UBASH3B: variants seen among roughly 807,000 people sequenced by gnomAD.
The protein encoded by UBASH3B is ubiquitin-associated and SH3 domain-containing protein B.
A neutral mutation model predicts 83.4 loss-of-function variants in UBASH3B; 37 were observed. That is an observed-to-expected ratio of 0.44 (90% CI 0.34 to 0.58). The LOEUF (loss-of-function observed/expected upper bound fraction) is 0.58, where lower values mean the gene tolerates loss of function less well. Among genes scored for constraint, UBASH3B ranks in the 20% least tolerant of loss-of-function variants. The pLI is 0.01. For synonymous variants in UBASH3B, 304 were observed against 318.3 expected (o/e 0.96, Z 0.48); for missense variants, 657 against 827.2 (o/e 0.79, Z 2.52).
intron 1 of UBASH3B, among the ~76,000 whole-genome samples, chr11:122,739,623 C>T (rs1392746516): frequency 3.3e-5 from 5 of 152,156 alleles, no homozygotes; most frequent in African/African-American, 1.2e-4. Flanking sequence ...AATTTTCTTC[C>T]TAACTTTGCA....
At position 122,806,347 on chromosome 11, in the gene UBASH3B, G is replaced by A. The variant is rs1467744363; in HGVS notation, c.1596-63G>A. 3 of 1,376,396 alleles carry A rather than the reference G, an allele frequency of 2.2e-6. No homozygotes were observed. Among genetic ancestry groups the A allele is most frequent in the South Asian group, 1.3e-5 (1 of 76,240 alleles). The allele number at this position is 1,376,396 out of a possible 1,614,324, so 85.3% of individuals were successfully genotyped here. On this transcript the variant is annotated intron_variant, in intron 11 of 13. Transcript: ENST00000284273. The surrounding 1 kb of genome is among the most constrained non-coding windows in gnomAD (Gnocchi z 4.0). The stretch of plus-strand genomic sequence containing the variant: ...ATGCCTTGAAATAAAAGTTTAGAGT[G>A]ATATCTTCCTTTGTCTCAAGATCAA...
intron 12 of UBASH3B, 89 bp from the exon 13 acceptor site, chr11:122,807,978 C>A: frequency 9.9e-7 from 1 of 1,007,272 alleles, no homozygotes; most frequent in Non-Finnish European, 1.6e-6. Flanking sequence ...GTTTGCTCCC[C>A]TGCAGAGCAT....
At chr11:122,789,401 T>C (rs942353911) in intron 6 of UBASH3B, 93 bp downstream of exon 6, 29 of 1,373,674 alleles carry the variant, frequency 2.1e-5, no homozygotes, top group African/African-American at 2.9e-5. Context: ...ATGGAGTCCA[T>C]GGGAAGAAGG....
chr11:122,803,007 C>T (rs1379454107), intron 11 of UBASH3B, among the ~76,000 whole-genome samples: 3 of 152,148 alleles, frequency 2.0e-5, no homozygotes, highest in South Asian at 2.1e-4. Context: ...TCTCCAGAAT[C>T]GTCCTACCTG....
At chr11:122,757,279 C>T (rs1004631035) in intron 1 of UBASH3B, among the ~76,000 whole-genome samples, 13 of 152,142 alleles carry the variant, frequency 8.5e-5, no homozygotes, top group African/African-American at 3.1e-4. Context: ...GGGATAGTCC[C>T]CTTGTGAAAG....
intron 1 of UBASH3B, among the ~76,000 whole-genome samples, chr11:122,658,367 C>A (rs1863391679): frequency 6.6e-6 from 1 of 152,086 alleles, no homozygotes; most frequent in African/African-American, 2.4e-5. Context: ...TTCAAATCAG[C>A]TTTAAAGGGA....
chr11:122,725,775 C>T (rs958389391), intron 1 of UBASH3B, among the ~76,000 whole-genome samples: 2 of 152,084 alleles, frequency 1.3e-5, no homozygotes, highest in African/African-American at 4.8e-5. Context: ...CTCACTGCAA[C>T]CTCCGCCTCC....
rs530002296 is a variant in UBASH3B at position 122,767,200 on chromosome 11, C to T, written c.162-9019C>T. On this transcript the variant is annotated intron_variant, in intron 1 of 13. Coordinates refer to ENST00000284273, the MANE Select transcript of UBASH3B (RefSeq NM_032873.5). The stretch of plus-strand genomic sequence containing the variant: ...GGCTGAGGCAGGAGAATTGCTTGAA[C>T]CCGGGAAGCGGAGGTCACAGTGAGT... 7.7e-4 allele frequency among the ~76,000 whole-genome samples: 117 copies of T among 151,392 alleles called. 1 individual carries two copies. The highest frequency in any genetic ancestry group is 2.8e-3 in the African/African-American group (114 of 41,264).
intron 1 of UBASH3B, among the ~76,000 whole-genome samples, chr11:122,676,498 G>T (rs111990272): frequency 6.6e-6 from 1 of 151,940 alleles, no homozygotes; most frequent in Admixed American, 6.6e-5. Flanking sequence ...CCGAGATTGC[G>T]CCAGTGCACT....
At chr11:122,712,896 G>GTTTTTTTTTTTTTTTTT (rs386375116) in intron 1 of UBASH3B, among the ~76,000 whole-genome samples, 2 of 64,496 alleles carry the variant, frequency 3.1e-5, no homozygotes, top group Non-Finnish European at 5.3e-5. Context: ...TCTCTGGGTG[G>GTTTTTTTTTTTTTTTTT]TTTTTTTTTT....
chr11:122,713,426 C>A (rs1864226695), intron 1 of UBASH3B, among the ~76,000 whole-genome samples: 1 of 152,132 alleles, frequency 6.6e-6, no homozygotes, highest in Non-Finnish European at 1.5e-5. Context: ...TGGGAAGTTA[C>A]ATCAACTGTG....
In UBASH3B at chr11:122,813,189, G is replaced by A. The variant is rs973129047; in HGVS notation, c.*3303G>A. ...TTTCCTTGTTAGTGGTATTTGGAAT[G>A]CATATAGATTGTCTTGTCATTGTGC... is the stretch of plus-strand genomic sequence containing the variant. On this transcript the variant is annotated 3_prime_UTR_variant, in exon 14 of 14. Coordinates refer to ENST00000284273, the MANE Select transcript of UBASH3B (RefSeq NM_032873.5). 4 of 152,254 alleles carry A rather than the reference G, an allele frequency of 2.6e-5. No individual in the cohort carries two copies. Among genetic ancestry groups the A allele is most frequent in the Non-Finnish European group, 5.9e-5 (4 of 68,042 alleles). 9.4% of individuals were successfully genotyped at this position (152,254 alleles called of 1,614,324 possible). A position where few individuals can be genotyped will look rare whatever the true frequency, so the allele number is the denominator to read the frequency against.
intron 1 of UBASH3B, among the ~76,000 whole-genome samples, chr11:122,733,682 A>G (rs1413817423): frequency 6.6e-6 from 1 of 152,210 alleles, no homozygotes; most frequent in Admixed American, 6.5e-5. Context: ...ACACCCATGG[A>G]TATGTCAACA....
intron 1 of UBASH3B, among the ~76,000 whole-genome samples, chr11:122,716,136 G>A (rs1407307564): frequency 1.3e-5 from 2 of 152,160 alleles, no homozygotes; most frequent in African/African-American, 4.8e-5. Context: ...CAGCAAGCTG[G>A]GGCTGGTGAG....
At chr11:122,807,539 A>C (rs1405237320) in intron 12 of UBASH3B, among the ~76,000 whole-genome samples, 3 of 152,096 alleles carry the variant, frequency 2.0e-5, no homozygotes, top group African/African-American at 7.2e-5. Flanking sequence ...TAACCCTCCC[A>C]TAAATCCATA....
intron 1 of UBASH3B, among the ~76,000 whole-genome samples, chr11:122,722,841 G>A (rs151171245): frequency 0.015 from 2,292 of 152,114 alleles, 64 homozygotes; most frequent in African/African-American, 0.052. Context: ...GAGTAGCTGG[G>A]ACTACAGGTG....
At chr11:122,664,335 G>A (rs142137722) in intron 1 of UBASH3B, among the ~76,000 whole-genome samples, 3 of 152,170 alleles carry the variant, frequency 2.0e-5, no homozygotes, top group African/African-American at 7.2e-5. Flanking sequence ...GCCTAAGAGA[G>A]AGAGTGGGGA....
intron 1 of UBASH3B, among the ~76,000 whole-genome samples, chr11:122,752,749 A>G (rs1312090636): frequency 6.6e-6 from 1 of 152,198 alleles, no homozygotes; most frequent in East Asian, 1.9e-4. Flanking sequence ...CAGCTAAAAT[A>G]TTCTCAAGGA....
At chr11:122,691,494 G>A (rs1453455975) in intron 1 of UBASH3B, among the ~76,000 whole-genome samples, 4 of 152,182 alleles carry the variant, frequency 2.6e-5, no homozygotes, top group Non-Finnish European at 5.9e-5. Flanking sequence ...CTTTCCTCTC[G>A]TGCAGGGAAT....
Sources: gnomAD v4.1 joint callset for allele counts (sites outside exome capture counted in the v4.1 genomes callset) on GRCh38, gnomAD v4.1.1 for gene constraint, Gnocchi (gnomAD v3.1) non-coding constraint, MANE v1.5 for transcripts, NCBI Gene and HGNC (gene_info 2026-07-23, HGNC 2026-07-21) for gene names.